SAMSN1: variants seen among roughly 807,000 people sequenced by gnomAD.
SAMSN1 encodes SAM domain-containing protein SAMSN-1.
Under a neutral mutation model 42.0 loss-of-function variants are expected in SAMSN1, and 31 were observed. That is an observed-to-expected ratio of 0.74 (90% CI 0.55 to 1.00). SAMSN1 has a LOEUF of 1.00. Ranked by LOEUF, SAMSN1 falls within the 50% of genes least tolerant of loss-of-function variation. The probability of loss-of-function intolerance (pLI) is 0.00; values close to 1 mark genes in which losing one functional copy is unlikely to be tolerated. For synonymous variants in SAMSN1, 178 were observed against 151.9 expected, an observed-to-expected ratio of 1.17 and a Z score of -1.26; for missense variants, 464 against 439.4, an observed-to-expected ratio of 1.06 and a Z score of -0.50.
intron 1 of SAMSN1, among the ~76,000 whole-genome samples, chr21:14,528,390 T>A (rs1426749524): frequency 6.6e-6 from 1 of 152,136 alleles, no homozygotes. Context: ...TCTCAAGAAT[T>A]TCCCCAGGGA....
chr21:14,572,347 T>C (rs1369468819), intron 2 of SAMSN1, among the ~76,000 whole-genome samples: 1 of 152,126 alleles, frequency 6.6e-6, no homozygotes, highest in Non-Finnish European at 1.5e-5. Context: ...CGAAGTGACT[T>C]AACAGTTACA....
At chr21:14,658,780 G>A (rs1217232441) in exon 1 of SAMSN1, 2 of 715,370 alleles carry the variant, frequency 2.8e-6, no homozygotes, top group African/African-American at 1.8e-5. Context: ...ATTTTGACCA[G>A]CTTCACTCTC....
In SAMSN1 at chr21:14,654,370, T is replaced by C. The variant is rs115572840; in HGVS notation, c.24+4378A>G. Among the ~76,000 whole-genome samples, 1,216 of 152,134 alleles carry C rather than the reference T, an allele frequency of 8.0e-3. 14 individuals carry two copies. The highest frequency in any genetic ancestry group is 0.021 in the African/African-American group (870 of 41,544). On this transcript the variant is annotated intron_variant, in intron 1 of 15. Coordinates refer to the SAMSN1 transcript ENST00000647101. ...TAAGAACTAAGTAAGTCATGAGTGC[T>C]CTAAAATACGTAAACATGTAGGGAA...
intron 2 of SAMSN1, among the ~76,000 whole-genome samples, chr21:14,554,426 C>T (rs1469434609): frequency 6.6e-6 from 1 of 152,138 alleles, no homozygotes; most frequent in East Asian, 1.9e-4. Context: ...CAAGCAAATA[C>T]TTGGAATATA....
chr21:14,574,758 CA>C (rs1488995833), intron 2 of SAMSN1, among the ~76,000 whole-genome samples: 1 of 152,052 alleles, frequency 6.6e-6, no homozygotes, highest in Non-Finnish European at 1.5e-5. Context: ...TTGGAAAAGA[CA>C]CTTAAACATT....
At chr21:14,535,741 A>G (rs912352551) in intron 1 of SAMSN1, among the ~76,000 whole-genome samples, 1 of 152,226 alleles carries the variant, frequency 6.6e-6, no homozygotes, top group Non-Finnish European at 1.5e-5. Flanking sequence ...AGAGGCAATA[A>G]AAGGGCAGCC....
At chr21:14,602,881 C>T (rs531029834) in intron 5 of SAMSN1, among the ~76,000 whole-genome samples, 2 of 152,304 alleles carry the variant, frequency 1.3e-5, no homozygotes, top group South Asian at 4.1e-4. Context: ...CAGGGACAGG[C>T]AAGTCCTATC....
intron 1 of SAMSN1, among the ~76,000 whole-genome samples, chr21:14,646,819 T>C (rs2123388375): frequency 6.6e-6 from 1 of 152,334 alleles, no homozygotes; most frequent in South Asian, 2.1e-4. Flanking sequence ...TTTGCTTGTT[T>C]GTTTGTGCAA....
intron 2 of SAMSN1, among the ~76,000 whole-genome samples, chr21:14,623,836 C>T (rs1983087305): frequency 6.6e-6 from 1 of 152,178 alleles, no homozygotes; most frequent in African/African-American, 2.4e-5. Flanking sequence ...CTTTTCAGCA[C>T]CACACCACAC....
intron 2 of SAMSN1, among the ~76,000 whole-genome samples, chr21:14,618,273 A>G (rs1281269667): frequency 6.6e-6 from 1 of 152,234 alleles, no homozygotes; most frequent in Admixed American, 6.5e-5. Context: ...TTAAGATGAA[A>G]GAGTTAATGT....
chr21:14,517,226 T>G (rs909277024), intron 2 of SAMSN1, among the ~76,000 whole-genome samples, 185 bp from the exon 3 acceptor site: 4 of 152,214 alleles, frequency 2.6e-5, no homozygotes, highest in African/African-American at 9.6e-5. Context: ...TGGTTGCTTG[T>G]GTTACGAACT....
chr21:14,617,131 CA>C lies in SAMSN1; in HGVS notation c.157-1116del, dbSNP rs1982858565. Among the ~76,000 whole-genome samples, 4 of 152,084 alleles carry C rather than the reference CA, an allele frequency of 2.6e-5. No homozygotes were observed. In the South Asian group the frequency reaches 6.2e-4, roughly 24 times the overall value. On this transcript the variant is annotated intron_variant, in intron 2 of 15. Coordinates refer to the SAMSN1 transcript ENST00000647101. ...AAGTTTGAAATACTTGTGCATGACC[CA>C]TAGGACATTGCTTGTAGGGAAGAGG...
At chr21:14,571,173 A>G (rs1035660499) in intron 2 of SAMSN1, among the ~76,000 whole-genome samples, 1 of 152,186 alleles carries the variant, frequency 6.6e-6, no homozygotes, top group Non-Finnish European at 1.5e-5. Flanking sequence ...GTGATTAAAT[A>G]TATTTTTGTT....
chr21:14,545,692 T>A (rs887903758), intron 1 of SAMSN1, among the ~76,000 whole-genome samples: 1 of 152,140 alleles, frequency 6.6e-6, no homozygotes, highest in Non-Finnish European at 1.5e-5. Context: ...TTCGAGAGAA[T>A]AGCAAATATA....
At chr21:14,523,643 C>A (rs933668714) in intron 1 of SAMSN1, among the ~76,000 whole-genome samples, 3 of 152,092 alleles carry the variant, frequency 2.0e-5, no homozygotes, top group African/African-American at 7.2e-5. Context: ...TACTTGAAAC[C>A]ATTCTATGGC....
chr21:14,533,332 G>A (rs1384933983), intron 1 of SAMSN1, among the ~76,000 whole-genome samples: 1 of 152,166 alleles, frequency 6.6e-6, no homozygotes, highest in African/African-American at 2.4e-5. Flanking sequence ...TGAGACGAAT[G>A]CCATATCACT....
chr21:14,510,802 T>A (rs1987657788), intron 4 of SAMSN1, among the ~76,000 whole-genome samples: 1 of 152,138 alleles, frequency 6.6e-6, no homozygotes, highest in Non-Finnish European at 1.5e-5. Context: ...TACAATTTCC[T>A]CCCCAGAGTT....
At chr21:14,619,240 A>G (rs1203553051) in intron 2 of SAMSN1, among the ~76,000 whole-genome samples, 1 of 152,182 alleles carries the variant, frequency 6.6e-6, no homozygotes, top group Non-Finnish European at 1.5e-5. Context: ...TGCTTTGTAA[A>G]CCTCACTTTC....
intron 2 of SAMSN1, among the ~76,000 whole-genome samples, chr21:14,518,910 T>C (rs1045402732): frequency 6.6e-6 from 1 of 152,164 alleles, no homozygotes; most frequent in African/African-American, 2.4e-5. Flanking sequence ...AAAATTACTT[T>C]GCTAACATAA....
Sources: allele counts gnomAD v4.1 joint callset (sites outside exome capture counted in the v4.1 genomes callset), GRCh38; gene constraint gnomAD v4.1.1; transcripts MANE v1.5; gene names NCBI Gene and HGNC (gene_info 2026-07-23, HGNC 2026-07-21).